Variants in TXNRD1 observed in about 807,000 individuals in gnomAD.
TXNRD1 encodes thioredoxin reductase 1.
TXNRD1 carries 57 observed loss-of-function variants against 80.3 expected under a neutral mutation model. That is an observed-to-expected ratio of 0.71 (90% confidence interval 0.57 to 0.89). TXNRD1 has a LOEUF of 0.89. Ranked by LOEUF, TXNRD1 falls within the 40% of genes least tolerant of loss-of-function variation. The pLI is 0.00. For synonymous variants in TXNRD1, 291 were observed against 285.2 expected (o/e 1.02, Z -0.20); for missense variants, 730 against 803.0 (o/e 0.91, Z 1.10).
intron 1 of TXNRD1, among the ~76,000 whole-genome samples, chr12:104,236,672 C>T (rs748814781): frequency 6.6e-6 from 1 of 151,624 alleles, no homozygotes; most frequent in Non-Finnish European, 1.5e-5. Context: ...GCCTGTAATC[C>T]CAGCTACTTG....
At position 104,288,942 on chromosome 12, in the gene TXNRD1, G is replaced by T. The variant is rs768084670; in HGVS notation, c.316G>T (p.Ala106Ser). 1 of 1,614,034 alleles carries T rather than the reference G, an allele frequency of 6.2e-7. No individual in the cohort carries two copies. The highest frequency in any genetic ancestry group is 8.5e-7 in the Non-Finnish European group (1 of 1,179,888). ...TTTGTGCCACACAGAGGACGGTCGG[G>T]CCCTGGAAGGAACGCTCTCGGAATT... is the stretch of plus-strand genomic sequence containing the variant. ...LELDQTEDGR[A>S]LEGTLSELAA... The change falls in exon 4 of 17, where the codon GCC becomes TCC. Residue 106 changes from alanine (A) to serine (S), a missense_variant. Physicochemically the swap from Ala to Ser is moderately conservative, Grantham distance 99. Coordinates refer to ENST00000525566, the MANE Select transcript of TXNRD1 (RefSeq NM_001093771.3).
chr12:104,267,653 C>CCTTCTTTCTTTCTT (rs1565870015), intron 3 of TXNRD1, among the ~76,000 whole-genome samples: 7 of 27,336 alleles, frequency 2.6e-4, no homozygotes, highest in Non-Finnish European at 5.4e-4. Context: ...TGGTATCTTT[C>CCTTCTTTCTTTCTT]TTTCTTTCTT....
At chr12:104,226,369 G>A (rs1225044062) in intron 1 of TXNRD1, among the ~76,000 whole-genome samples, 1 of 152,174 alleles carries the variant, frequency 6.6e-6, no homozygotes, top group East Asian at 1.9e-4. Flanking sequence ...ATGAAGCACT[G>A]TAGAATACCT....
At chr12:104,223,530 T>A (rs1232443311) in intron 1 of TXNRD1, among the ~76,000 whole-genome samples, 1 of 152,218 alleles carries the variant, frequency 6.6e-6, no homozygotes, top group Non-Finnish European at 1.5e-5. Flanking sequence ...GTTAGAAATG[T>A]AACACTGGAC....
chr12:104,268,706 G>A (rs903289056), intron 3 of TXNRD1, among the ~76,000 whole-genome samples: 6 of 151,774 alleles, frequency 4.0e-5, no homozygotes, highest in East Asian at 2.0e-4. Flanking sequence ...TAGTAGAGAC[G>A]GAGTTTCACC....
chr12:104,310,495 T>C (rs961704901), intron 4 of TXNRD1, among the ~76,000 whole-genome samples: 8 of 152,198 alleles, frequency 5.3e-5, no homozygotes, highest in Admixed American at 1.3e-4. Context: ...AACAACTTTC[T>C]CAGTCATTAT....
rs559875248 is a variant in TXNRD1 at position 104,225,346 on chromosome 12, G to A, written c.91+9453G>A. Among the ~76,000 whole-genome samples the A allele has an allele frequency of 2.6e-5, 4 of 152,346 alleles. No individual in the cohort carries two copies. In the South Asian group the frequency reaches 8.3e-4, roughly 32 times the overall value. On this transcript the variant is annotated intron_variant, in intron 1 of 16. Transcript: ENST00000525566. The stretch of plus-strand genomic sequence containing the variant: ...TAGTGGAGCGAGGATTCTCATGCTG[G>A]AAGCTAGTGTACTTAACCACTGTGC...
intron 2 of TXNRD1, among the ~76,000 whole-genome samples, chr12:104,252,684 ATATATATTTTTTTTTTT>A (rs2033149425): frequency 9.9e-6 from 1 of 100,920 alleles, no homozygotes; most frequent in African/African-American, 4.2e-5. Context: ...ATATATATAT[ATATATATTTTTTTTTTT>A]TTTTTTTTTT....
intron 4 of TXNRD1, among the ~76,000 whole-genome samples, chr12:104,300,082 T>C (rs1159186503): frequency 6.6e-6 from 1 of 152,114 alleles, no homozygotes; most frequent in Non-Finnish European, 1.5e-5. Context: ...TGGAGAAAAA[T>C]AGTGGACTCG....
At chr12:104,310,176 C>CGCAG in intron 4 of TXNRD1, 5 of 779,588 alleles carry the variant, frequency 6.4e-6, no homozygotes, top group Non-Finnish European at 8.9e-6. Flanking sequence ...GATGGAGTCT[C>CGCAG]ACTCTGTGAG....
chr12:104,334,242 C>A lies in TXNRD1; in HGVS notation c.1656C>A (p.Tyr552Ter). ...EKFGEENIEV[Y>*]HSYFWPLEWT... ...TTGCTTTTGTATCTTCTTAGGTTTACCATAGTTACTTTTGGCCATTGGAAT... is the reference window on the plus strand; with the variant it reads ...TTGCTTTTGTATCTTCTTAGGTTTAACATAGTTACTTTTGGCCATTGGAAT... Residue 552 changes from tyrosine to a stop codon, truncating the protein, a stop_gained, in exon 15 of 17, where the codon TAC becomes TAA. Transcript: ENST00000525566. LOFTEE classifies it high-confidence loss of function. The A allele has an allele frequency of 6.6e-7, 1 of 1,514,498 alleles. No homozygotes were observed. Among genetic ancestry groups the A allele is most frequent in the East Asian group, 2.5e-5 (1 of 40,634 alleles). The allele number at this position is 1,514,498 out of a possible 1,614,324, so 93.8% of individuals were successfully genotyped here.
chr12:104,308,928 T>C (rs1049185389), intron 4 of TXNRD1, among the ~76,000 whole-genome samples: 6 of 150,940 alleles, frequency 4.0e-5, no homozygotes, highest in African/African-American at 1.5e-4. Flanking sequence ...GACGGAGTCT[T>C]GCTCTGTCAC....
intron 3 of TXNRD1, among the ~76,000 whole-genome samples, chr12:104,282,718 C>G (rs753928544): frequency 1.3e-5 from 2 of 152,028 alleles, no homozygotes; most frequent in Non-Finnish European, 2.9e-5. Context: ...TTTTTGGGAA[C>G]AGTTTTGCTC....
intron 3 of TXNRD1, chr12:104,280,762 C>T (rs575686306): frequency 1.3e-5 from 2 of 152,054 alleles, no homozygotes; most frequent in South Asian, 2.1e-4. Context: ...CCCAGACCAC[C>T]GTTAGTCTCA....
chr12:104,241,047 T>C (rs1374204802), intron 1 of TXNRD1, among the ~76,000 whole-genome samples: 1 of 149,210 alleles, frequency 6.7e-6, no homozygotes, highest in Non-Finnish European at 1.5e-5. Context: ...AGTTTTTTTT[T>C]TTCTTTTTTT....
chr12:104,226,006 C>A (rs907749158), intron 1 of TXNRD1, among the ~76,000 whole-genome samples: 41 of 152,094 alleles, frequency 2.7e-4, no homozygotes, highest in African/African-American at 9.4e-4. Flanking sequence ...TCAAGACCAG[C>A]CTGACCAACA....
At chr12:104,332,796 A>G (rs1248653929) in intron 14 of TXNRD1, among the ~76,000 whole-genome samples, 2 of 151,102 alleles carry the variant, frequency 1.3e-5, no homozygotes, top group Admixed American at 6.6e-5. Context: ...TATTATAGGA[A>G]GTTTCAAAAT....
chr12:104,328,691 G>A (rs1231504924), intron 13 of TXNRD1, among the ~76,000 whole-genome samples: 1 of 150,872 alleles, frequency 6.6e-6, no homozygotes, highest in African/African-American at 2.4e-5. Context: ...CCCGGGAGGC[G>A]GAGCTTGCCG....
chr12:104,313,350 G>A (rs1409816389), intron 6 of TXNRD1, 33 bp downstream of exon 6: 1 of 1,502,170 alleles, frequency 6.7e-7, no homozygotes, highest in Non-Finnish European at 9.0e-7. Flanking sequence ...AAGTGATGTT[G>A]CCGAAGTAGT....
Sources: allele counts gnomAD v4.1 joint callset (sites outside exome capture counted in the v4.1 genomes callset), GRCh38; gene constraint gnomAD v4.1.1; transcripts MANE v1.5; gene names NCBI Gene and HGNC (gene_info 2026-07-23, HGNC 2026-07-21).